The following CSNK2A1 variants were observed in gnomAD, a reference collection of about 807,000 sequenced individuals.
CSNK2A1 encodes the protein casein kinase 2 alpha 1.
A neutral mutation model predicts 62.9 loss-of-function variants in CSNK2A1; 10 were observed. The ratio of observed to expected loss-of-function variants is 0.16; its 90% confidence interval spans 0.10 to 0.27. The LOEUF is 0.27. Ranked by LOEUF, CSNK2A1 falls within the 10% of genes least tolerant of loss-of-function variation. The probability of loss-of-function intolerance (pLI) is 1.00; values close to 1 mark genes in which losing one functional copy is unlikely to be tolerated. For synonymous variants in CSNK2A1, 124 were observed against 167.8 expected (o/e 0.74, Z 2.02); for missense variants, 160 against 492.0 (o/e 0.33, Z 6.38).
In CSNK2A1 at chr20:480,691, G is replaced by A. The variant is rs1477945749; in HGVS notation, c.*3270C>T. 6.6e-6 allele frequency: 1 copy of A among 152,172 alleles called. No homozygotes were observed. The highest frequency in any genetic ancestry group is 1.5e-5 in the Non-Finnish European group (1 of 68,036). The allele number at this position is 152,172 out of a possible 1,614,324, so 9.4% of individuals were successfully genotyped here. On this transcript the variant is annotated 3_prime_UTR_variant, in exon 14 of 14. Transcript: ENST00000217244. ...TTTCTTTAACTAGGAAAAGGCCCTG[G>A]GAAGACAGGCTCTCTACTATGCAAA...
chr20:472,755 A>T lies in CSNK2A1; in HGVS notation c.*11206T>A, dbSNP rs1171142912. 1 of 152,236 alleles carries T rather than the reference A, an allele frequency of 6.6e-6. No individual in the cohort carries two copies. The highest frequency in any genetic ancestry group is 1.5e-5 in the Non-Finnish European group (1 of 68,036). 9.4% of individuals were successfully genotyped at this position (152,236 alleles called of 1,614,324 possible). On this transcript the variant is annotated 3_prime_UTR_variant, in exon 14 of 14. Coordinates refer to ENST00000217244, the MANE Select transcript of CSNK2A1 (RefSeq NM_177559.3). ...TAAGTTCCTATACAACTCCCCTGTTATCTGCCCTTTGCTCTCAGGCTTCAG... is the reference window on the plus strand; with the variant it reads ...TAAGTTCCTATACAACTCCCCTGTTTTCTGCCCTTTGCTCTCAGGCTTCAG...
chr20:505,560 C>G (rs1057468538), intron 3 of CSNK2A1, among the ~76,000 whole-genome samples: 1 of 151,572 alleles, frequency 6.6e-6, no homozygotes, highest in Non-Finnish European at 1.5e-5. Flanking sequence ...GGCGGGTCCT[C>G]ACCGTGTTAA....
chr20:524,977 A>G (rs1356975505), intron 2 of CSNK2A1, among the ~76,000 whole-genome samples: 1 of 151,646 alleles, frequency 6.6e-6, no homozygotes, highest in East Asian at 2.0e-4. Context: ...TTAGCTAAGT[A>G]TGGTGCATGC....
Position 482,349 on chromosome 20 carries a change from A to C in CSNK2A1, c.*1612T>G, listed in dbSNP as rs1327332851. ...TGTGCTTAAAAAACTAGGCTTCCTCAGTGAAGCACCTGATAAACTTAGGTG... is the reference window on the plus strand; with the variant it reads ...TGTGCTTAAAAAACTAGGCTTCCTCCGTGAAGCACCTGATAAACTTAGGTG... On this transcript the variant is annotated 3_prime_UTR_variant, in exon 14 of 14. Transcript: ENST00000217244. 6.6e-6 allele frequency: 1 copy of C among 152,218 alleles called. No individual in the cohort carries two copies. Among genetic ancestry groups the C allele is most frequent in the African/African-American group, 2.4e-5 (1 of 41,450 alleles). 9.4% of individuals were successfully genotyped at this position (152,218 alleles called of 1,614,324 possible). A position where few individuals can be genotyped will look rare whatever the true frequency, so the allele number is the denominator to read the frequency against.
chr20:507,597 C>T (rs543626790), intron 3 of CSNK2A1: 1 of 152,278 alleles, frequency 6.6e-6, no homozygotes, highest in African/African-American at 2.4e-5. Context: ...AGAATTTGGG[C>T]TGAATTCCAT....
intron 1 of CSNK2A1, among the ~76,000 whole-genome samples, chr20:534,562 C>T (rs1201282695): frequency 6.6e-6 from 1 of 152,040 alleles, no homozygotes; most frequent in East Asian, 1.9e-4. Flanking sequence ...TGTTGGACTC[C>T]AGATGCAACA....
At chr20:488,864 C>T (rs753774206) in intron 10 of CSNK2A1, 86 bp from the exon 11 acceptor site, 350 of 1,263,970 alleles carry the variant, frequency 2.8e-4, no homozygotes, top group Non-Finnish European at 2.1e-4. Flanking sequence ...TTTACATAAA[C>T]GGGTCATCAT....
intron 1 of CSNK2A1, among the ~76,000 whole-genome samples, chr20:541,533 G>C (rs1187748652): frequency 6.6e-6 from 1 of 152,172 alleles, no homozygotes; most frequent in African/African-American, 2.4e-5. Context: ...ACACAAAGAT[G>C]TATGTTCAGA....
intron 12 of CSNK2A1, 181 bp downstream of exon 12, chr20:487,246 T>C: frequency 1.3e-6 from 1 of 777,982 alleles, no homozygotes; most frequent in South Asian, 1.9e-5. Flanking sequence ...TGTATTCTGT[T>C]ACAGAAGAAT....
At chr20:512,400 T>G (rs113629001) in intron 2 of CSNK2A1, among the ~76,000 whole-genome samples, 8 of 152,356 alleles carry the variant, frequency 5.3e-5, no homozygotes, top group African/African-American at 1.9e-4. Context: ...GTTGTTTTGT[T>G]TGTTGACGAT....
chr20:493,046 G>T (rs1248046343), intron 8 of CSNK2A1, among the ~76,000 whole-genome samples: 1 of 152,058 alleles, frequency 6.6e-6, no homozygotes, highest in Non-Finnish European at 1.5e-5. Flanking sequence ...GAAAAACATC[G>T]GACTGCTCTG....
At position 482,369 on chromosome 20, in the gene CSNK2A1, T is replaced by C. The variant is rs1425240196; in HGVS notation, c.*1592A>G. On this transcript the variant is annotated 3_prime_UTR_variant, in exon 14 of 14. Transcript: ENST00000217244. ...TCCTCAGTGAAGCACCTGATAAACT[T>C]AGGTGGTTGGATTACAGTGGAAAGT... 6.6e-6 allele frequency: 1 copy of C among 152,158 alleles called. No individual in the cohort carries two copies. The highest frequency in any genetic ancestry group is 1.5e-5 in the Non-Finnish European group (1 of 68,032). 9.4% of individuals were successfully genotyped at this position (152,158 alleles called of 1,614,324 possible). A position where few individuals can be genotyped will look rare whatever the true frequency, so the allele number is the denominator to read the frequency against.
intron 2 of CSNK2A1, among the ~76,000 whole-genome samples, chr20:512,985 A>G (rs929591248): frequency 2.0e-5 from 3 of 152,220 alleles, no homozygotes; most frequent in African/African-American, 7.2e-5. Context: ...TGTGACTACT[A>G]TGCCTGCCTT....
Position 499,246 on chromosome 20 carries a change from ATAT to A in CSNK2A1, c.366+6_366+8del. 1 of 1,602,646 alleles carries A rather than the reference ATAT, an allele frequency of 6.2e-7. No individual in the cohort carries two copies. Among genetic ancestry groups the A allele is most frequent in the South Asian group, 1.1e-5 (1 of 87,952 alleles). On this transcript the variant is annotated splice_donor_region_variant and intron_variant, in intron 6 of 13. Transcript: ENST00000217244. The surrounding 1 kb of genome is among the most constrained non-coding windows in gnomAD (Gnocchi z 4.2). ...CCACTAGCCCGAAACAGTTGGTTAT[ATAT>A]TATACCTTGAAGTCTGTGTTGTTTA... is the stretch of plus-strand genomic sequence containing the variant.
intron 4 of CSNK2A1, 100 bp from the exon 5 acceptor site, chr20:500,034 T>G (rs1392495082): frequency 1.2e-6 from 1 of 866,664 alleles, no homozygotes; most frequent in Non-Finnish European, 1.8e-6. Context: ...GGCTTACTTA[T>G]GAGCACACCT....
intron 1 of CSNK2A1, among the ~76,000 whole-genome samples, chr20:542,357 T>C (rs2019468500): frequency 6.6e-6 from 1 of 152,140 alleles, no homozygotes; most frequent in Admixed American, 6.5e-5. Context: ...GGCAGTCTGG[T>C]TTTTAACCAC....
chr20:497,995 G>A (rs1221885958), intron 6 of CSNK2A1: 2 of 481,418 alleles, frequency 4.2e-6, no homozygotes, highest in East Asian at 7.5e-5. Context: ...AACATATATT[G>A]CGGAAGCTAT....
chr20:493,227 T>G (rs1048500592), intron 8 of CSNK2A1, among the ~76,000 whole-genome samples: 1 of 152,182 alleles, frequency 6.6e-6, no homozygotes, highest in Admixed American at 6.5e-5. Context: ...ACATTTAATC[T>G]GTCAAAAAAT....
At chr20:531,897 T>C (rs537772923) in intron 1 of CSNK2A1, among the ~76,000 whole-genome samples, 3 of 152,348 alleles carry the variant, frequency 2.0e-5, no homozygotes, top group African/African-American at 7.2e-5. Context: ...ACTTTACTTC[T>C]GCCTCACATT....
Sources: allele counts gnomAD v4.1 joint callset (sites outside exome capture counted in the v4.1 genomes callset), GRCh38; gene constraint gnomAD v4.1.1; non-coding constraint Gnocchi (gnomAD v3.1); transcripts MANE v1.5; gene names NCBI Gene and HGNC (gene_info 2026-07-23, HGNC 2026-07-21).